PDE3A: variants seen among roughly 807,000 people sequenced by gnomAD.
PDE3A encodes the protein cGMP-inhibited 3',5'-cyclic phosphodiesterase 3A.
Under a neutral mutation model 98.3 loss-of-function variants are expected in PDE3A, and 43 were observed. The observed-to-expected ratio is 0.44, with a 90% CI of 0.34 to 0.56. The LOEUF is 0.56. Ranked by LOEUF, PDE3A falls within the 20% of genes least tolerant of loss-of-function variation. The pLI, the probability that PDE3A is intolerant of heterozygous loss-of-function variation, is 0.01. For missense variants in PDE3A, 1,427 were observed against 1,440.7 expected (o/e 0.99, Z 0.15); for synonymous variants, 663 against 567.9 (o/e 1.17, Z -2.38).
intron 2 of PDE3A, among the ~76,000 whole-genome samples, chr12:20,609,905 C>G (rs7136256): frequency 0.98 from 149,295 of 152,134 alleles, 73,313 homozygotes; most frequent in East Asian, 1. Context: ...ACTCAAAATA[C>G]GTAAAGACTG....
chr12:20,677,909 TA>T (rs1945682625), intron 15 of PDE3A, among the ~76,000 whole-genome samples: 1 of 151,190 alleles, frequency 6.6e-6, no homozygotes, highest in African/African-American at 2.5e-5. Flanking sequence ...TTCAGTGGCT[TA>T]GAGTGTGGTT....
chr12:20,515,150 A>G (rs1026332968), intron 1 of PDE3A, among the ~76,000 whole-genome samples: 2 of 152,196 alleles, frequency 1.3e-5, no homozygotes, highest in African/African-American at 4.8e-5. Flanking sequence ...TACTGTTACA[A>G]TGGCATTTAA....
chr12:20,627,728 TA>T (rs34008455), intron 5 of PDE3A, among the ~76,000 whole-genome samples: 1 of 152,158 alleles, frequency 6.6e-6, no homozygotes, highest in Non-Finnish European at 1.5e-5. Context: ...CTGTCTCCCC[TA>T]AAAAAGTGGG....
chr12:20,453,552 C>A (rs1323319045), intron 1 of PDE3A, among the ~76,000 whole-genome samples: 1 of 151,828 alleles, frequency 6.6e-6, no homozygotes, highest in Non-Finnish European at 1.5e-5. Flanking sequence ...AAAGAGAGAA[C>A]GATGATTTGT....
At chr12:20,427,653 T>C (rs1231402809) in intron 1 of PDE3A, among the ~76,000 whole-genome samples, 4 of 152,114 alleles carry the variant, frequency 2.6e-5, no homozygotes, top group African/African-American at 7.2e-5. Context: ...TTCAAAATTT[T>C]ATATTTTTTA....
chr12:20,566,843 C>T (rs1045286677), intron 2 of PDE3A, among the ~76,000 whole-genome samples: 2 of 151,672 alleles, frequency 1.3e-5, no homozygotes, highest in African/African-American at 2.4e-5. Context: ...TTTGGGTGAC[C>T]GACAGGTCTT....
At chr12:20,455,064 G>A (rs1945131851) in intron 1 of PDE3A, among the ~76,000 whole-genome samples, 2 of 151,998 alleles carry the variant, frequency 1.3e-5, no homozygotes, top group African/African-American at 2.4e-5. Flanking sequence ...TTCTACAGTG[G>A]CTGAACTCCC....
At chr12:20,544,537 A>G (rs764438438) in intron 1 of PDE3A, among the ~76,000 whole-genome samples, 23 of 151,926 alleles carry the variant, frequency 1.5e-4, no homozygotes, top group Non-Finnish European at 2.4e-4. Context: ...AGACAAATCA[A>G]ATCTGATGTC....
Position 20,613,643 on chromosome 12 carries a change from C to A in PDE3A, c.1212C>A (p.Asn404Lys), listed in dbSNP as rs753810284. 1 of 1,613,808 alleles carries A rather than the reference C, an allele frequency of 6.2e-7. No individual in the cohort carries two copies. Among genetic ancestry groups the A allele is most frequent in the Non-Finnish European group, 8.5e-7 (1 of 1,179,666 alleles). The change falls in exon 3 of 16, where the codon AAC (asparagine) becomes AAA (lysine). Residue 404 changes from asparagine to lysine, a missense_variant. Physicochemically the swap from Asn to Lys is moderately conservative, Grantham distance 94. Coordinates refer to ENST00000359062, the MANE Select transcript of PDE3A (RefSeq NM_000921.5). The part of the protein sequence containing the change: ...RVNPVTSLSE[N>K]YTCSDSEESS... ...ATCCCGTCACTTCGCTCAGTGAAAA[C>A]TATACCTGTTCTGACTCTGAAGAGA... is the stretch of plus-strand genomic sequence containing the variant.
At chr12:20,375,370 G>A (rs1320721447) in intron 1 of PDE3A, among the ~76,000 whole-genome samples, 4 of 151,586 alleles carry the variant, frequency 2.6e-5, no homozygotes, top group Admixed American at 2.6e-4. Context: ...TTTTAGTAAG[G>A]CTACTATGGA....
At position 20,578,181 on chromosome 12, in the gene PDE3A, G is replaced by C. The variant is rs540705648; in HGVS notation, c.1011+21471G>C. Among the ~76,000 whole-genome samples, 79 of 152,186 alleles carry C rather than the reference G, an allele frequency of 5.2e-4. 2 individuals carry two copies. Among genetic ancestry groups the C allele is most frequent in the African/African-American group, 1.7e-3 (70 of 41,520 alleles). The stretch of plus-strand genomic sequence containing the variant: ...TAGTCTAATATGCTCCCCAGAGAAG[G>C]CTTCATAAATAAGCTATATTCTTTA... On this transcript the variant is annotated intron_variant, in intron 2 of 15. Coordinates refer to ENST00000359062, the MANE Select transcript of PDE3A (RefSeq NM_000921.5).
At chr12:20,550,495 C>T (rs968809767) in intron 1 of PDE3A, among the ~76,000 whole-genome samples, 4 of 152,030 alleles carry the variant, frequency 2.6e-5, no homozygotes, top group South Asian at 4.2e-4. Flanking sequence ...TTAATTATTG[C>T]TTGTGAACCA....
rs909760212 is a variant in PDE3A, at chr12:20,680,119, G to A, written c.3274G>A (p.Glu1092Lys). 5.0e-6 allele frequency: 8 copies of A among 1,613,538 alleles called. No homozygotes were observed. In the African/African-American group the frequency reaches 9.3e-5, roughly 19 times the overall value. Reference sequence around the variant, plus strand: ...CAAGATGTGGAAGAAAGTCATTGAAGAGGAGCAACGGTTGGCAGGCATAGA... The same window carrying A: ...CAAGATGTGGAAGAAAGTCATTGAAAAGGAGCAACGGTTGGCAGGCATAGA... ...NHKMWKKVIE[E>K]EQRLAGIENQ... The change falls in exon 16 of 16, where the codon GAG becomes AAG. Residue 1092 changes from glutamate (E) to lysine (K), a missense_variant. Physicochemically the swap from Glu to Lys is moderately conservative, Grantham distance 56 (BLOSUM62 1). Coordinates refer to ENST00000359062, the MANE Select transcript of PDE3A (RefSeq NM_000921.5).
At chr12:20,562,886 T>C (rs1942564144) in intron 2 of PDE3A, among the ~76,000 whole-genome samples, 2 of 152,188 alleles carry the variant, frequency 1.3e-5, no homozygotes, top group Admixed American at 1.3e-4. Context: ...ATTCAAGTAT[T>C]GTGTGTAAAA....
intron 1 of PDE3A, among the ~76,000 whole-genome samples, chr12:20,440,025 G>T (rs544527119): frequency 1.3e-5 from 2 of 152,152 alleles, no homozygotes; most frequent in African/African-American, 4.8e-5. Context: ...CATTCTTTCT[G>T]ATTGTTTTTA....
At chr12:20,423,865 T>A (rs941858430) in intron 1 of PDE3A, among the ~76,000 whole-genome samples, 2 of 152,152 alleles carry the variant, frequency 1.3e-5, no homozygotes, top group African/African-American at 2.4e-5. Flanking sequence ...GTAGTAAAGC[T>A]GTGACCAGAA....
chr12:20,661,311 T>A (rs915590085), intron 15 of PDE3A, among the ~76,000 whole-genome samples: 4 of 152,098 alleles, frequency 2.6e-5, no homozygotes, highest in Non-Finnish European at 5.9e-5. Context: ...AAGCAGAACA[T>A]AAAAATTCAG....
chr12:20,534,643 C>G (rs1462533241), intron 1 of PDE3A, among the ~76,000 whole-genome samples: 1 of 152,142 alleles, frequency 6.6e-6, no homozygotes, highest in Admixed American at 6.5e-5. Context: ...CCTTTGGACA[C>G]ATTTTCTGGC....
intron 15 of PDE3A, among the ~76,000 whole-genome samples, chr12:20,669,006 G>A (rs1166420678): frequency 0.013 from 1,944 of 150,932 alleles, 18 homozygotes; most frequent in Non-Finnish European, 0.019. Flanking sequence ...GTGCTTAAAG[G>A]AGCTGATGGA....
Sources: allele counts gnomAD v4.1 joint callset (sites outside exome capture counted in the v4.1 genomes callset), GRCh38; gene constraint gnomAD v4.1.1; transcripts MANE v1.5; gene names NCBI Gene and HGNC (gene_info 2026-07-23, HGNC 2026-07-21).